LRRC37A2: variants seen among roughly 807,000 people sequenced by gnomAD.
LRRC37A2 encodes the protein leucine rich repeat containing 37 member A2, also known as leucine-rich repeat-containing protein 37A2.
In LRRC37A2, 9 loss-of-function variants were observed where a neutral mutation model predicts 68.8. The ratio of observed to expected loss-of-function variants is 0.13; its 90% CI spans 0.08 to 0.23. The LOEUF (loss-of-function observed/expected upper bound fraction) is 0.23. Ranked by LOEUF, LRRC37A2 falls within the 10% of genes least tolerant of loss-of-function variation. The probability of loss-of-function intolerance (pLI) is 1.00; values close to 1 mark genes in which losing one functional copy is unlikely to be tolerated. For missense variants in LRRC37A2, 168 were observed against 950.4 expected, an observed-to-expected ratio of 0.18 and a Z score of 10.82; for synonymous variants, 63 against 367.6, an observed-to-expected ratio of 0.17 and a Z score of 9.48.
chr17:46,876,582 G>A, the LRRC37A2 span: 1 of 1,613,582 alleles, frequency 6.2e-7, no homozygotes, highest in South Asian at 1.1e-5. Flanking sequence ...AGCTGCAGCA[G>A]CCTGTGCTGC....
the LRRC37A2 span, chr17:47,017,694 C>A: frequency 6.2e-7 from 1 of 1,610,984 alleles, no homozygotes; most frequent in Non-Finnish European, 8.5e-7. Flanking sequence ...TGGAATTATA[C>A]GCCAATTATC....
the LRRC37A2 span, among the ~76,000 whole-genome samples, chr17:46,714,179 T>C: frequency 3.9e-5 from 6 of 152,242 alleles, no homozygotes; most frequent in African/African-American, 9.6e-5. Flanking sequence ...ATGTATTTTA[T>C]TGAGTACCTT....
chr17:46,730,636 G>A, the LRRC37A2 span, among the ~76,000 whole-genome samples: 6 of 152,076 alleles, frequency 3.9e-5, no homozygotes, highest in African/African-American at 7.2e-5. Context: ...AGGCTTATAC[G>A]TACATGCTTC....
the LRRC37A2 span, among the ~76,000 whole-genome samples, chr17:46,881,848 T>C: frequency 2.6e-5 from 4 of 152,230 alleles, no homozygotes; most frequent in Non-Finnish European, 5.9e-5. Flanking sequence ...GACACTTACA[T>C]ACTTTATCAT....
At chr17:47,036,331 C>G in the LRRC37A2 span, among the ~76,000 whole-genome samples, 1 of 151,854 alleles carries the variant, frequency 6.6e-6, no homozygotes, top group Non-Finnish European at 1.5e-5. Context: ...CTGCCTTCAG[C>G]TAGTAATACT....
the LRRC37A2 span, among the ~76,000 whole-genome samples, chr17:46,953,327 T>C: frequency 6.6e-6 from 1 of 152,202 alleles, no homozygotes; most frequent in South Asian, 2.1e-4. Flanking sequence ...AATAGTTTGC[T>C]GAGAATGATG....
chr17:46,779,150 T>G, the LRRC37A2 span, among the ~76,000 whole-genome samples: 1 of 148,058 alleles, frequency 6.8e-6, no homozygotes, highest in African/African-American at 2.5e-5. Context: ...TGCTAGGTAT[T>G]CATGATTCTG....
the LRRC37A2 span, among the ~76,000 whole-genome samples, chr17:46,752,551 G>C: frequency 1.3e-5 from 2 of 152,104 alleles, no homozygotes; most frequent in Non-Finnish European, 2.9e-5. Flanking sequence ...GACCTCGCAG[G>C]CTCAGGCGTT....
At chr17:46,791,338 G>C in the LRRC37A2 span, among the ~76,000 whole-genome samples, 10 of 152,110 alleles carry the variant, frequency 6.6e-5, no homozygotes, top group African/African-American at 2.4e-4. Context: ...TGAGTAACTG[G>C]GATTACAGAC....
At chr17:46,843,318 T>C in the LRRC37A2 span, among the ~76,000 whole-genome samples, 1 of 152,242 alleles carries the variant, frequency 6.6e-6, no homozygotes, top group African/African-American at 2.4e-5. Context: ...GTATGCTTTG[T>C]AGGGTGAACC....
At chr17:46,985,970 T>C in the LRRC37A2 span, among the ~76,000 whole-genome samples, 1 of 152,172 alleles carries the variant, frequency 6.6e-6, no homozygotes. Context: ...ATCTGTAAAA[T>C]GAGAAAGTTG....
chr17:46,812,246 C>T, the LRRC37A2 span, among the ~76,000 whole-genome samples: 7 of 152,282 alleles, frequency 4.6e-5, no homozygotes, highest in South Asian at 1.2e-3. Context: ...TGCTTAGAGC[C>T]GGGACAGCCA....
the LRRC37A2 span, among the ~76,000 whole-genome samples, chr17:46,415,260 G>A: frequency 6.6e-5 from 2 of 30,136 alleles, no homozygotes; most frequent in African/African-American, 2.4e-4. Flanking sequence ...ATGAATATAT[G>A]TATATACACA....
chr17:46,888,515 T>G, the LRRC37A2 span, among the ~76,000 whole-genome samples: 1 of 152,138 alleles, frequency 6.6e-6, no homozygotes, highest in Non-Finnish European at 1.5e-5. Flanking sequence ...CAGGAACTCA[T>G]AACACTGCTG....
At chr17:47,017,889 A>G in the LRRC37A2 span, 2 of 1,612,270 alleles carry the variant, frequency 1.2e-6, no homozygotes, top group Non-Finnish European at 1.7e-6. Flanking sequence ...CCTTGAAGAC[A>G]TCCAGTCCTC....
chr17:46,941,496 G>A, the LRRC37A2 span: 1 of 876,812 alleles, frequency 1.1e-6, no homozygotes, highest in Non-Finnish European at 1.4e-6. Context: ...AAGCAGTGGG[G>A]AAGCTTTTTA....
At chr17:46,737,756 G>A in the LRRC37A2 span, among the ~76,000 whole-genome samples, 1 of 152,128 alleles carries the variant, frequency 6.6e-6, no homozygotes. Flanking sequence ...CTGAGAAGAT[G>A]TGCAAATCAT....
the LRRC37A2 span, among the ~76,000 whole-genome samples, chr17:46,847,819 G>T: frequency 6.6e-6 from 1 of 152,230 alleles, no homozygotes. Context: ...ACCAAAGGCG[G>T]ATGGTTCCTG....
chr17:46,881,500 A>G, the LRRC37A2 span, among the ~76,000 whole-genome samples: 1 of 152,238 alleles, frequency 6.6e-6, no homozygotes, highest in Non-Finnish European at 1.5e-5. Context: ...TAAGTGACTT[A>G]CCAAAGGCTA....
Sources: gnomAD v4.1 joint callset for allele counts (sites outside exome capture counted in the v4.1 genomes callset) on GRCh38, gnomAD v4.1.1 for gene constraint, MANE v1.5 for transcripts, NCBI Gene and HGNC (gene_info 2026-07-23, HGNC 2026-07-21) for gene names.